FGD5: variants seen among roughly 807,000 people sequenced by gnomAD.
FGD5 encodes FYVE, RhoGEF and PH domain-containing protein 5.
Under a neutral mutation model 133.4 loss-of-function variants are expected in FGD5, and 28 were observed. The ratio of observed to expected loss-of-function variants is 0.21; its 90% CI spans 0.16 to 0.29. FGD5 has a LOEUF of 0.29. Among genes scored for constraint, FGD5 ranks in the 10% least tolerant of loss-of-function variants. FGD5 has a pLI of 1.00. For missense variants in FGD5, 1,858 were observed against 1,895.2 expected (o/e 0.98, Z 0.36); for synonymous variants, 810 against 776.5 (o/e 1.04, Z -0.72).
upstream of FGD5, among the ~76,000 whole-genome samples, chr3:14,817,743 A>G (rs2036395883): frequency 6.6e-6 from 1 of 152,176 alleles, no homozygotes; most frequent in South Asian, 2.1e-4. Flanking sequence ...GTCATACCCA[A>G]GCCTTAGTGG....
intron 4 of FGD5, among the ~76,000 whole-genome samples, chr3:14,882,989 G>T (rs2037855585): frequency 6.6e-6 from 1 of 152,194 alleles, no homozygotes; most frequent in Non-Finnish European, 1.5e-5. Flanking sequence ...GTGATGAGGA[G>T]GAGCTGACGG....
intron 4 of FGD5, among the ~76,000 whole-genome samples, chr3:14,881,548 G>A (rs983919384): frequency 1.3e-5 from 2 of 152,318 alleles, no homozygotes; most frequent in African/African-American, 2.4e-5. Flanking sequence ...ATAGCGAAGC[G>A]TGAGAAGAGG....
intron 1 of FGD5, among the ~76,000 whole-genome samples, chr3:14,830,861 G>C (rs2036693936): frequency 1.3e-5 from 2 of 152,200 alleles, no homozygotes; most frequent in African/African-American, 2.4e-5. Flanking sequence ...GCTGCTCTCT[G>C]AGCTCCACAT....
chr3:14,872,033 C>T (rs1022199644), intron 2 of FGD5, among the ~76,000 whole-genome samples: 1 of 152,202 alleles, frequency 6.6e-6, no homozygotes, highest in Non-Finnish European at 1.5e-5. Flanking sequence ...TGACAAGATC[C>T]TCAGTGACTC....
chr3:14,920,716 A>G (rs1223421093), intron 13 of FGD5, among the ~76,000 whole-genome samples: 1 of 152,166 alleles, frequency 6.6e-6, no homozygotes, highest in African/African-American at 2.4e-5. Context: ...CCTCATCACC[A>G]CCCTTAGAGC....
rs1218852839 is a variant in FGD5, at chr3:14,932,656, G to A, written c.4277G>A (p.Gly1426Glu). Reference protein sequence around the residue: ...PEKEEGSSEVGPIFHLYHKKT... With the variant: ...PEKEEGSSEVEPIFHLYHKKT... The stretch of plus-strand genomic sequence containing the variant: ...AAGGAAGAGGGCAGCAGTGAAGTAG[G>A]ACCTATTTTTCACCTTTACCACAAG... Residue 1426 changes from glycine (G) to glutamate (E), a missense_variant, in exon 19 of 20, where the codon GGA (glycine) becomes GAA (glutamate). By Grantham distance (98) the Gly-to-Glu change is moderately conservative. Around this residue, in one of 3 missense-constraint regions of FGD5, gnomAD observed 1,824 missense variants for 1,848.9 expected, o/e 0.99. Transcript: ENST00000285046. The A allele has an allele frequency of 1.2e-6, 2 of 1,613,890 alleles. No homozygotes were observed. Among genetic ancestry groups the A allele is most frequent in the African/African-American group, 1.3e-5 (1 of 74,930 alleles).
intron 1 of FGD5, among the ~76,000 whole-genome samples, chr3:14,860,364 A>G (rs2125101863): frequency 6.6e-6 from 1 of 152,360 alleles, no homozygotes; most frequent in Admixed American, 6.5e-5. Flanking sequence ...GCACATTTCT[A>G]ATGGTGACTT....
At chr3:14,837,887 C>T (rs140271407) in intron 1 of FGD5, among the ~76,000 whole-genome samples, 220 of 152,282 alleles carry the variant, frequency 1.4e-3, no homozygotes, top group Admixed American at 2.8e-3. Flanking sequence ...CTGAGTCTGA[C>T]GTGACATACT....
At chr3:14,837,618 C>T (rs558494996) in intron 1 of FGD5, among the ~76,000 whole-genome samples, 5 of 151,796 alleles carry the variant, frequency 3.3e-5, no homozygotes, top group Non-Finnish European at 7.4e-5. Flanking sequence ...CCTGCTTCTC[C>T]CACGGAGAGG....
chr3:14,887,718 T>C (rs753362218), intron 4 of FGD5, among the ~76,000 whole-genome samples: 7 of 152,012 alleles, frequency 4.6e-5, no homozygotes, highest in Non-Finnish European at 7.4e-5. Flanking sequence ...TACAGAGGTT[T>C]AGGGACTTGA....
rs116103020 is a variant in FGD5, at chr3:14,917,112, C to T, written c.3406-137C>T. On this transcript the variant is annotated intron_variant, in intron 11 of 19. Coordinates refer to ENST00000285046, the MANE Select transcript of FGD5 (RefSeq NM_152536.4). The surrounding 1 kb of genome is among the most constrained non-coding windows in gnomAD (Gnocchi z 4.1). ...GAAGGGGCTCACATTTTGGCCGCAA[C>T]GTTTTTGCTCACCTGTGGGGGTTAC... is the stretch of plus-strand genomic sequence containing the variant. The T allele has an allele frequency of 9.1e-3, 5,888 of 649,940 alleles. 249 individuals carry two copies. The African/African-American group carries it at 0.094, about 10-fold the overall frequency. The allele number at this position is 649,940 out of a possible 1,614,324, so 40.3% of individuals were successfully genotyped here.
chr3:14,854,432 T>TATTTATTTATTGATTGATTG (rs374445929), intron 1 of FGD5, among the ~76,000 whole-genome samples: 2 of 143,364 alleles, frequency 1.4e-5, no homozygotes, highest in African/African-American at 2.6e-5. Flanking sequence ...TTTATTTATT[T>TATTTATTTATTGATTGATTG]ATTGAGACGA....
intron 1 of FGD5, among the ~76,000 whole-genome samples, chr3:14,840,146 CT>C (rs59846352): frequency 8.6e-4 from 125 of 145,538 alleles, no homozygotes; most frequent in South Asian, 1.1e-3. Flanking sequence ...ATGTTTCTTT[CT>C]TTTTTTTTTT....
chr3:14,896,703 T>G (rs186721124), intron 4 of FGD5, among the ~76,000 whole-genome samples: 4,598 of 152,298 alleles, frequency 0.03, 239 homozygotes, highest in East Asian at 0.22. Flanking sequence ...ACTCCTGACC[T>G]CAGGTGATCT....
chr3:14,889,761 C>T (rs1025176732), intron 4 of FGD5, among the ~76,000 whole-genome samples: 1 of 152,074 alleles, frequency 6.6e-6, no homozygotes, highest in Non-Finnish European at 1.5e-5. Flanking sequence ...GTGGTGTCTC[C>T]CTGTGGCTTA....
At chr3:14,829,496 T>G (rs1016174958) in intron 1 of FGD5, among the ~76,000 whole-genome samples, 6 of 152,130 alleles carry the variant, frequency 3.9e-5, no homozygotes, top group Admixed American at 2.6e-4. Flanking sequence ...AGGAGTGGTG[T>G]TCTGCCACCA....
At chr3:14,928,696 G>T (rs2038855222) in intron 18 of FGD5, among the ~76,000 whole-genome samples, 1 of 152,196 alleles carries the variant, frequency 6.6e-6, no homozygotes, top group Non-Finnish European at 1.5e-5. Flanking sequence ...AGTGGGCCAA[G>T]ATCACACCAT....
chr3:14,892,997 C>T (rs534672662), intron 4 of FGD5, among the ~76,000 whole-genome samples: 30 of 152,296 alleles, frequency 2.0e-4, no homozygotes, highest in Admixed American at 1.6e-3. Flanking sequence ...TGATCTCTGA[C>T]CCTGGGATTT....
At chr3:14,929,607 T>C (rs768029023) in intron 18 of FGD5, among the ~76,000 whole-genome samples, 5 of 152,252 alleles carry the variant, frequency 3.3e-5, no homozygotes, top group African/African-American at 4.8e-5. Flanking sequence ...ACTACTGATA[T>C]TAAGCACATG....
Sources: allele counts gnomAD v4.1 joint callset (sites outside exome capture counted in the v4.1 genomes callset), GRCh38; gene constraint gnomAD v4.1.1; regional missense constraint gnomAD v4.1.1; non-coding constraint Gnocchi (gnomAD v3.1); transcripts MANE v1.5; gene names NCBI Gene and HGNC (gene_info 2026-07-23, HGNC 2026-07-21).